LUC7L3: variants seen among roughly 807,000 people sequenced by gnomAD.
LUC7L3 encodes the protein LUC7 like 3 pre-mRNA splicing factor.
Under a neutral mutation model 66.8 loss-of-function variants are expected in LUC7L3, and 6 were observed. The ratio of observed to expected loss-of-function variants is 0.09; its 90% confidence interval spans 0.05 to 0.18. LUC7L3 has a LOEUF of 0.18. Ranked by LOEUF, LUC7L3 falls within the 10% of genes least tolerant of loss-of-function variation. The probability of loss-of-function intolerance (pLI) is 1.00; values close to 1 mark genes in which losing one functional copy is unlikely to be tolerated. For missense variants in LUC7L3, 341 were observed against 531.1 expected (o/e 0.64, Z 3.52); for synonymous variants, 160 against 174.7 (o/e 0.92, Z 0.66).
At chr17:50,742,493 G>T (rs1970413137) in intron 5 of LUC7L3, among the ~76,000 whole-genome samples, 1 of 151,946 alleles carries the variant, frequency 6.6e-6, no homozygotes, top group African/African-American at 2.4e-5. Flanking sequence ...CGAGTAGCTG[G>T]GATTACAGGT....
chr17:50,756,059 A>G lies in LUC7L3; in HGVS notation c.*5398A>G, dbSNP rs1203274651. ...ACAAAATTTAATGTTAGCCGTTTTG[A>G]TGGAGGGAGAGGTGATCATGAGGGC... On this transcript the variant is annotated 3_prime_UTR_variant, in exon 10 of 10. Coordinates refer to ENST00000505658, the MANE Select transcript of LUC7L3 (RefSeq NM_016424.5). 2 of 152,202 alleles carry G rather than the reference A, an allele frequency of 1.3e-5. No individual in the cohort carries two copies. The highest frequency in any genetic ancestry group is 2.9e-5 in the Non-Finnish European group (2 of 68,030). The allele number at this position is 152,202 out of a possible 1,614,324, so 9.4% of individuals were successfully genotyped here.
rs1280730332 is a variant in LUC7L3, at chr17:50,754,706, T to C, written c.*4045T>C. The C allele has an allele frequency of 6.6e-6, 1 of 152,206 alleles. No individual in the cohort carries two copies. The highest frequency in any genetic ancestry group is 1.5e-5 in the Non-Finnish European group (1 of 68,030). 9.4% of individuals were successfully genotyped at this position (152,206 alleles called of 1,614,324 possible). A position where few individuals can be genotyped will look rare whatever the true frequency, so the allele number is the denominator to read the frequency against. ...TTTCAGTTTGGGTTGAAACATCCTTTTCTTGATCTTGAGCTTATAATAACC... is the reference window on the plus strand; with the variant it reads ...TTTCAGTTTGGGTTGAAACATCCTTCTCTTGATCTTGAGCTTATAATAACC... On this transcript the variant is annotated 3_prime_UTR_variant, in exon 10 of 10. Transcript: ENST00000505658.
At chr17:50,731,929 CAAAG>C (rs887072319) in intron 1 of LUC7L3, among the ~76,000 whole-genome samples, 2 of 152,060 alleles carry the variant, frequency 1.3e-5, no homozygotes, top group South Asian at 2.1e-4. Context: ...GCTGAGAGGC[CAAAG>C]AAAGAGGCTG....
intron 3 of LUC7L3, 144 bp downstream of exon 3, chr17:50,740,489 A>G (rs74387869): frequency 0.033 from 23,405 of 714,548 alleles, 557 homozygotes; most frequent in Non-Finnish European, 0.042. Context: ...AGAAAGTTCT[A>G]TAGCTTCAGT....
intron 1 of LUC7L3, among the ~76,000 whole-genome samples, chr17:50,731,547 AC>A (rs1309108465): frequency 6.6e-6 from 1 of 152,134 alleles, no homozygotes; most frequent in East Asian, 1.9e-4. Context: ...TTTTCGGATC[AC>A]TTGTTAATAT....
At chr17:50,728,840 C>T (rs1261371307) in intron 1 of LUC7L3, among the ~76,000 whole-genome samples, 1 of 152,202 alleles carries the variant, frequency 6.6e-6, no homozygotes, top group Non-Finnish European at 1.5e-5. Context: ...AGGTGTGAGC[C>T]ACTGCAGCTG....
At position 50,732,566 on chromosome 17, in the gene LUC7L3, T is replaced by C. The variant is rs1017229987; in HGVS notation, c.100-4394T>C. Among the ~76,000 whole-genome samples the C allele has an allele frequency of 1.0e-4, 15 of 150,642 alleles. 1 individual carries two copies. Among genetic ancestry groups the C allele is most frequent in the Non-Finnish European group, 2.1e-4 (14 of 67,526 alleles). ...CTGGCTAATTTTTTTCATTCTTTTT[T>C]TTTTTTTTTTTTAGAGACAAGGTCT... On this transcript the variant is annotated intron_variant, in intron 1 of 9. Transcript: ENST00000505658.
At chr17:50,726,174 T>G (rs929689478) in intron 1 of LUC7L3, among the ~76,000 whole-genome samples, 1 of 152,082 alleles carries the variant, frequency 6.6e-6, no homozygotes, top group Non-Finnish European at 1.5e-5. Flanking sequence ...TGTTTTGCTT[T>G]TTGTTGTTGT....
chr17:50,735,159 G>C (rs984829819), intron 1 of LUC7L3, among the ~76,000 whole-genome samples: 2 of 151,886 alleles, frequency 1.3e-5, no homozygotes, highest in African/African-American at 4.8e-5. Flanking sequence ...GAGCCCAGGA[G>C]GGAGAGGTTG....
intron 1 of LUC7L3, among the ~76,000 whole-genome samples, chr17:50,728,455 CTT>C (rs966884163): frequency 3.3e-5 from 5 of 150,796 alleles, no homozygotes; most frequent in Admixed American, 6.6e-5. Context: ...GAATTGAACT[CTT>C]AGGTAAAAAA....
At chr17:50,749,902 A>G (rs1160469235) in intron 9 of LUC7L3, among the ~76,000 whole-genome samples, 1 of 152,160 alleles carries the variant, frequency 6.6e-6, no homozygotes, top group Non-Finnish European at 1.5e-5. Flanking sequence ...TGGAAAAACA[A>G]CTCTCAGATG....
intron 8 of LUC7L3, among the ~76,000 whole-genome samples, chr17:50,746,219 C>A (rs892380183): frequency 2.0e-5 from 3 of 152,094 alleles, no homozygotes; most frequent in African/African-American, 7.2e-5. Context: ...TTCACCCAAC[C>A]TTTTTACAAA....
chr17:50,741,989 T>G (rs753192211), intron 5 of LUC7L3, among the ~76,000 whole-genome samples: 29 of 152,148 alleles, frequency 1.9e-4, no homozygotes, highest in Non-Finnish European at 3.4e-4. Context: ...GTTAGGAGAA[T>G]TGCTTAAGCC....
At chr17:50,746,173 G>A (rs565755628) in intron 8 of LUC7L3, among the ~76,000 whole-genome samples, 170 bp downstream of exon 8, 2 of 152,212 alleles carry the variant, frequency 1.3e-5, no homozygotes, top group Non-Finnish European at 2.9e-5. Context: ...CATCTTCGGG[G>A]CAACTTCTGT....
rs1264095828 is a variant in LUC7L3, at chr17:50,756,056, T to C, written c.*5395T>C. 6.6e-6 allele frequency: 1 copy of C among 152,204 alleles called. No individual in the cohort carries two copies. Among genetic ancestry groups the C allele is most frequent in the Non-Finnish European group, 1.5e-5 (1 of 68,038 alleles). The allele number at this position is 152,204 out of a possible 1,614,324, so 9.4% of individuals were successfully genotyped here. A position where few individuals can be genotyped will look rare whatever the true frequency, so the allele number is the denominator to read the frequency against. On this transcript the variant is annotated 3_prime_UTR_variant, in exon 10 of 10. Coordinates refer to ENST00000505658, the MANE Select transcript of LUC7L3 (RefSeq NM_016424.5). ...AAGACAAAATTTAATGTTAGCCGTT[T>C]TGATGGAGGGAGAGGTGATCATGAG...
intron 3 of LUC7L3, 132 bp from the exon 4 acceptor site, chr17:50,740,970 A>C: frequency 1.2e-6 from 1 of 830,512 alleles, no homozygotes; most frequent in Non-Finnish European, 2.0e-6. Context: ...GCAATCAGAA[A>C]GTCACTTCAA....
Position 50,752,161 on chromosome 17 carries a change from TTGTC to T in LUC7L3, c.*1502_*1505del, listed in dbSNP as rs1444541010. 3.9e-6 allele frequency: 5 copies of T among 1,280,032 alleles called. No homozygotes were observed. The African/African-American group carries it at 7.7e-5, about 20-fold the overall frequency. 79.3% of individuals were successfully genotyped at this position (1,280,032 alleles called of 1,614,324 possible). ...CTCATAAAAATTGGCCTTTTACATG[TTGTC>T]TAATTATCATTTTTCCCCAAATTTT... On this transcript the variant is annotated 3_prime_UTR_variant, in exon 10 of 10. Coordinates refer to ENST00000505658, the MANE Select transcript of LUC7L3 (RefSeq NM_016424.5).
chr17:50,745,754 G>A lies in LUC7L3; in HGVS notation c.728G>A (p.Arg243His), dbSNP rs1970633251. 3.1e-6 allele frequency: 5 copies of A among 1,591,820 alleles called. No homozygotes were observed. The highest frequency in any genetic ancestry group is 2.4e-5 in the South Asian group (2 of 84,964). ...AGGAAAAGAACCGAAGAACCTGATC[G>A]TGATGAGCGTCTAAAAAAGGAGAAG... is the stretch of plus-strand genomic sequence containing the variant. ...KLRKRTEEPDRDERLKKEKQE... is the reference protein window; with the variant it reads ...KLRKRTEEPDHDERLKKEKQE... Residue 243 changes from arginine (R) to histidine (H), a missense_variant, in exon 8 of 10, where the codon CGT becomes CAT. By Grantham distance (29) the Arg-to-His change is conservative. Coordinates refer to ENST00000505658, the MANE Select transcript of LUC7L3 (RefSeq NM_016424.5).
At chr17:50,737,947 C>T (rs1043008007) in intron 2 of LUC7L3, among the ~76,000 whole-genome samples, 10 of 152,242 alleles carry the variant, frequency 6.6e-5, no homozygotes, top group African/African-American at 2.2e-4. Flanking sequence ...TCATTATGTA[C>T]AATCTTTGCC....
Sources: gnomAD v4.1 joint callset for allele counts (sites outside exome capture counted in the v4.1 genomes callset) on GRCh38, gnomAD v4.1.1 for gene constraint, MANE v1.5 for transcripts, NCBI Gene and HGNC (gene_info 2026-07-23, HGNC 2026-07-21) for gene names.